Variants in KCNAB1 observed in about 807,000 individuals in gnomAD.
KCNAB1 encodes the protein potassium voltage-gated channel subfamily A regulatory beta subunit 1, also known as voltage-gated potassium channel subunit beta-1.
Under a neutral mutation model 64.6 loss-of-function variants are expected in KCNAB1, and 35 were observed. The observed-to-expected ratio is 0.54, with a 90% confidence interval of 0.41 to 0.72. KCNAB1 has a LOEUF of 0.72. KCNAB1 is among the 30% of genes least tolerant of loss of function. The pLI, the probability that KCNAB1 is intolerant of heterozygous loss-of-function variation, is 0.00. For missense variants in KCNAB1, 401 were observed against 512.9 expected (o/e 0.78, Z 2.11); for synonymous variants, 177 against 183.8 (o/e 0.96, Z 0.30).
chr3:156,519,650 C>T (rs913026863), intron 11 of KCNAB1, among the ~76,000 whole-genome samples: 1 of 152,184 alleles, frequency 6.6e-6, no homozygotes, highest in African/African-American at 2.4e-5. Flanking sequence ...TTGAGAAGTA[C>T]GGAGTGGCCT....
chr3:156,236,766 C>T (rs1576632866), intron 1 of KCNAB1, among the ~76,000 whole-genome samples: 1 of 152,030 alleles, frequency 6.6e-6, no homozygotes, highest in Admixed American at 6.5e-5. Flanking sequence ...ACTCTGTCAC[C>T]ATGGTGTCTG....
chr3:156,284,689 G>A (rs1244496023), intron 1 of KCNAB1, among the ~76,000 whole-genome samples: 2 of 152,204 alleles, frequency 1.3e-5, no homozygotes, highest in South Asian at 2.1e-4. Flanking sequence ...TTTTAAGCCC[G>A]TCGGAAAAGT....
intron 1 of KCNAB1, among the ~76,000 whole-genome samples, chr3:156,340,759 G>A (rs1249743766): frequency 6.6e-6 from 1 of 152,226 alleles, no homozygotes; most frequent in South Asian, 2.1e-4. Context: ...TCAAGTCAGT[G>A]TGAGGAGAGG....
At chr3:156,294,537 T>G (rs1720661251) in intron 1 of KCNAB1, among the ~76,000 whole-genome samples, 1 of 152,224 alleles carries the variant, frequency 6.6e-6, no homozygotes, top group African/African-American at 2.4e-5. Flanking sequence ...GAAGTAACTT[T>G]TATTAGCTAA....
chr3:156,344,192 T>TAAAGGATCTATTAGGATTATAAAGG (rs1311817295), intron 1 of KCNAB1, among the ~76,000 whole-genome samples: 1 of 152,186 alleles, frequency 6.6e-6, no homozygotes, highest in African/African-American at 2.4e-5. Flanking sequence ...GCTAACTTCC[T>TAAAGGATCTATTAGGATTATAAAGG]AAAGGATCTA....
chr3:156,123,083 G>A (rs1245657530), intron 1 of KCNAB1, among the ~76,000 whole-genome samples: 1 of 152,106 alleles, frequency 6.6e-6, no homozygotes, highest in Non-Finnish European at 1.5e-5. Flanking sequence ...AATTTTCTTG[G>A]ACTTCCAATT....
At chr3:156,213,967 TAATC>T (rs925445951) in intron 1 of KCNAB1, among the ~76,000 whole-genome samples, 8 of 152,240 alleles carry the variant, frequency 5.3e-5, no homozygotes, top group African/African-American at 1.7e-4. Context: ...ATTGGATTGA[TAATC>T]AATCTTGCCT....
intron 1 of KCNAB1, among the ~76,000 whole-genome samples, chr3:156,196,303 G>T (rs9687443): frequency 6.6e-6 from 1 of 152,188 alleles, no homozygotes; most frequent in African/African-American, 2.4e-5. Flanking sequence ...CTCTTTTTTG[G>T]TCTCCTGTGA....
At chr3:156,196,619 T>C (rs1042473018) in intron 1 of KCNAB1, among the ~76,000 whole-genome samples, 6 of 152,184 alleles carry the variant, frequency 3.9e-5, no homozygotes, top group Admixed American at 3.3e-4. Context: ...TTGTCTATCA[T>C]TGGTGTATAG....
intron 1 of KCNAB1, among the ~76,000 whole-genome samples, chr3:156,364,670 C>T (rs184658360): frequency 3.9e-5 from 6 of 152,116 alleles, no homozygotes; most frequent in East Asian, 1.9e-4. Flanking sequence ...CCAAGCTACT[C>T]GGGAGGCTGA....
intron 1 of KCNAB1, among the ~76,000 whole-genome samples, chr3:156,351,330 T>G (rs975276330): frequency 6.6e-6 from 1 of 152,184 alleles, no homozygotes; most frequent in Non-Finnish European, 1.5e-5. Context: ...CAGGGGTTCA[T>G]GTGAGCTTCT....
At chr3:156,357,122 C>G (rs1725294488) in intron 1 of KCNAB1, among the ~76,000 whole-genome samples, 2 of 151,588 alleles carry the variant, frequency 1.3e-5, no homozygotes, top group African/African-American at 4.9e-5. Flanking sequence ...CACATTCTCT[C>G]TCTCTCTCTC....
At chr3:156,189,050 C>A (rs1432422324) in intron 1 of KCNAB1, among the ~76,000 whole-genome samples, 1 of 152,130 alleles carries the variant, frequency 6.6e-6, no homozygotes. Flanking sequence ...ACCACAAGCC[C>A]GAGGATGCCC....
intron 1 of KCNAB1, among the ~76,000 whole-genome samples, chr3:156,221,755 G>A (rs1349238414): frequency 6.6e-6 from 1 of 151,516 alleles, no homozygotes; most frequent in Non-Finnish European, 1.5e-5. Context: ...TCCAGCCTGG[G>A]CGAAAAGAGC....
At chr3:156,444,438 A>G (rs757595191) in intron 2 of KCNAB1, among the ~76,000 whole-genome samples, 10 of 152,216 alleles carry the variant, frequency 6.6e-5, no homozygotes, top group Non-Finnish European at 1.2e-4. Context: ...GGAGGCTGGT[A>G]AGCACTTAGG....
chr3:156,257,313 A>T (rs1385703042), intron 1 of KCNAB1, among the ~76,000 whole-genome samples: 1 of 152,206 alleles, frequency 6.6e-6, no homozygotes, highest in African/African-American at 2.4e-5. Flanking sequence ...AACAAAATTC[A>T]TGGGGCTTTC....
intron 1 of KCNAB1, among the ~76,000 whole-genome samples, chr3:156,385,685 T>C (rs1314001630): frequency 6.6e-6 from 1 of 152,208 alleles, no homozygotes; most frequent in African/African-American, 2.4e-5. Context: ...GTAATAACTT[T>C]ATAAATGAAC....
intron 1 of KCNAB1, among the ~76,000 whole-genome samples, chr3:156,129,450 G>A (rs1262024028): frequency 6.6e-6 from 1 of 152,156 alleles, no homozygotes; most frequent in Non-Finnish European, 1.5e-5. Flanking sequence ...AGTTAGAGAT[G>A]TTGTGCCTCT....
At chr3:156,158,281 T>G (rs1301513542) in intron 1 of KCNAB1, among the ~76,000 whole-genome samples, 1 of 151,776 alleles carries the variant, frequency 6.6e-6, no homozygotes. Context: ...TTTTAAGAAT[T>G]TAAGATATAT....
Sources: gnomAD v4.1 joint callset for allele counts (sites outside exome capture counted in the v4.1 genomes callset) on GRCh38, gnomAD v4.1.1 for gene constraint, MANE v1.5 for transcripts, NCBI Gene and HGNC (gene_info 2026-07-23, HGNC 2026-07-21) for gene names.